Variants in ANK1 observed in about 807,000 individuals in gnomAD.
The protein encoded by ANK1 is ankyrin 1, also known as ankyrin-1.
ANK1 carries 51 observed loss-of-function variants against 210.4 expected under a neutral mutation model. That is an observed-to-expected ratio of 0.24 (90% CI 0.19 to 0.31). The LOEUF is 0.31. Among genes scored for constraint, ANK1 ranks in the 10% least tolerant of loss-of-function variants. The probability of loss-of-function intolerance (pLI) is 1.00; values close to 1 mark genes in which losing one functional copy is unlikely to be tolerated. For missense variants in ANK1, 2,051 were observed against 2,504.4 expected (o/e 0.82, Z 3.86); for synonymous variants, 967 against 1,025.9 (o/e 0.94, Z 1.10).
chr8:41,840,164 A>T (rs545804529), intron 1 of ANK1: 2 of 151,968 alleles, frequency 1.3e-5, no homozygotes, highest in Non-Finnish European at 2.9e-5. Context: ...TCCATTTCCA[A>T]CCCAGGTTGG....
At chr8:41,798,721 A>G (rs114007037), upstream of ANK1, among the ~76,000 whole-genome samples, 1,719 of 152,172 alleles carry the variant, frequency 0.011, 34 homozygotes, top group African/African-American at 0.04. Context: ...GGTGCCATTA[A>G]GGTGGGGGCT....
chr8:41,664,136 T>C (rs1313949376), intron 39 of ANK1: 3 of 460,028 alleles, frequency 6.5e-6, no homozygotes, highest in East Asian at 1.4e-4. Context: ...ACCCAGAATG[T>C]GACTTGCTTG....
intron 1 of ANK1, among the ~76,000 whole-genome samples, chr8:41,850,203 T>C (rs931620739): frequency 7.9e-5 from 12 of 152,192 alleles, no homozygotes; most frequent in African/African-American, 2.7e-4. Context: ...CCTTTCGCTC[T>C]CGTTACAGTG....
At chr8:41,728,836 G>C (rs568382457) in intron 3 of ANK1, among the ~76,000 whole-genome samples, 3 of 152,242 alleles carry the variant, frequency 2.0e-5, no homozygotes, top group Admixed American at 2.0e-4. Flanking sequence ...AGCAGACAGC[G>C]CGTTGGCGTC....
upstream of ANK1, among the ~76,000 whole-genome samples, chr8:41,800,072 C>T (rs1178998077): frequency 2.0e-5 from 3 of 152,096 alleles, no homozygotes; most frequent in Non-Finnish European, 2.9e-5. Context: ...GAAAGGGGGC[C>T]GCAAAAGCTG....
chr8:41,828,810 A>G (rs1241399789), intron 1 of ANK1: 1 of 152,276 alleles, frequency 6.6e-6, no homozygotes, highest in Non-Finnish European at 1.5e-5. Flanking sequence ...TTTCCACGCG[A>G]AAGTGCTGGG....
chr8:41,863,562 T>C (rs1431528100), intron 1 of ANK1, among the ~76,000 whole-genome samples: 6 of 152,218 alleles, frequency 3.9e-5, no homozygotes, highest in Non-Finnish European at 8.8e-5. Flanking sequence ...AATGAAGCCA[T>C]ATGCTTGGTA....
intron 23 of ANK1, among the ~76,000 whole-genome samples, 196 bp downstream of exon 23, chr8:41,699,256 G>A (rs1821986624): frequency 6.6e-6 from 1 of 152,134 alleles, no homozygotes; most frequent in Non-Finnish European, 1.5e-5. Context: ...CAGGCAGCAC[G>A]GTGTGAGGGA....
chr8:41,723,759 T>G, intron 7 of ANK1, 126 bp from the exon 8 acceptor site: 1 of 627,694 alleles, frequency 1.6e-6, no homozygotes, highest in East Asian at 3.2e-5. Context: ...AGGGCATTTC[T>G]GGCCTAAGAT....
At position 41,724,676 on chromosome 8, in the gene ANK1, T is replaced by C. The variant is rs562406546; in HGVS notation, c.613-122A>G. 3 of 889,968 alleles carry C rather than the reference T, an allele frequency of 3.4e-6. No individual in the cohort carries two copies. The African/African-American group carries it at 5.0e-5, about 15-fold the overall frequency. 55.1% of individuals were successfully genotyped at this position (889,968 alleles called of 1,614,324 possible). ...ACTTTACAGACAAAGGAGATTTTGA[T>C]GGGTGGGAACATTTGGTGAGGGGGT... On this transcript the variant is annotated intron_variant, in intron 6 of 42. Transcript: ENST00000289734.
intron 1 of ANK1, among the ~76,000 whole-genome samples, chr8:41,812,537 T>C (rs1027315804): frequency 6.6e-6 from 1 of 152,252 alleles, no homozygotes; most frequent in Non-Finnish European, 1.5e-5. Flanking sequence ...CTGATAAAGA[T>C]ACTTTCATTA....
chr8:41,688,090 T>C lies in ANK1; in HGVS notation c.4258+66A>G, dbSNP rs1471530935. On this transcript the variant is annotated intron_variant, in intron 35 of 42. Coordinates refer to ENST00000289734, the MANE Select transcript of ANK1 (RefSeq NM_000037.4). The stretch of plus-strand genomic sequence containing the variant: ...GGGTTAGAAATGCCTCATTCATTGC[T>C]CATTACAGGGGAAGAGGGTAGGTGA... 6.6e-6 allele frequency: 10 copies of C among 1,524,864 alleles called. No homozygotes were observed. In the East Asian group the frequency reaches 2.3e-4, roughly 34 times the overall value. The allele number at this position is 1,524,864 out of a possible 1,614,324, so 94.5% of individuals were successfully genotyped here. A position where few individuals can be genotyped will look rare whatever the true frequency, so the allele number is the denominator to read the frequency against.
chr8:41,788,055 C>T (rs1007870636), intron 1 of ANK1, among the ~76,000 whole-genome samples: 20 of 152,162 alleles, frequency 1.3e-4, no homozygotes, highest in African/African-American at 4.3e-4. Flanking sequence ...ATCGGATTGG[C>T]GTTGACACCA....
intron 2 of ANK1, among the ~76,000 whole-genome samples, chr8:41,756,311 A>G (rs1480012509): frequency 6.6e-6 from 1 of 150,754 alleles, no homozygotes; most frequent in Non-Finnish European, 1.5e-5. Flanking sequence ...ATGCCCGGCT[A>G]ATTTTAGTAT....
At chr8:41,663,595 A>C in intron 40 of ANK1, 64 bp downstream of exon 40, 1 of 1,493,206 alleles carries the variant, frequency 6.7e-7, no homozygotes, top group Non-Finnish European at 9.3e-7. Context: ...ACTGGCTTCT[A>C]CCACCTTTTA....
chr8:41,867,319 G>A (rs1444398932), intron 1 of ANK1, among the ~76,000 whole-genome samples: 2 of 152,220 alleles, frequency 1.3e-5, no homozygotes, highest in African/African-American at 4.8e-5. Context: ...TTCTGCAAAA[G>A]GAGGCAACAT....
intron 16 of ANK1, 108 bp downstream of exon 16, chr8:41,714,048 C>G (rs1826911446): frequency 1.3e-6 from 1 of 757,788 alleles, no homozygotes; most frequent in Non-Finnish European, 1.8e-6. Flanking sequence ...AAAATAGCAA[C>G]AGAACGCAAA....
chr8:41,719,580 A>G (rs1276908715), intron 10 of ANK1, 81 bp downstream of exon 10: 59 of 1,588,622 alleles, frequency 3.7e-5, no homozygotes, highest in Non-Finnish European at 4.8e-5. Flanking sequence ...CGCCCTTCCC[A>G]CAGGCCCAGC....
chr8:41,816,090 AT>A (rs1448025601), intron 1 of ANK1, among the ~76,000 whole-genome samples: 3 of 152,232 alleles, frequency 2.0e-5, no homozygotes, highest in African/African-American at 7.2e-5. Context: ...CATCTGTGTA[AT>A]TCACTTGTTC....
Sources: allele counts gnomAD v4.1 joint callset (sites outside exome capture counted in the v4.1 genomes callset), GRCh38; gene constraint gnomAD v4.1.1; transcripts MANE v1.5; gene names NCBI Gene and HGNC (gene_info 2026-07-23, HGNC 2026-07-21).